The following VWC2L variants were observed in gnomAD, a reference collection of about 807,000 sequenced individuals.
VWC2L encodes von Willebrand factor C domain-containing protein 2-like.
A neutral mutation model predicts 21.6 loss-of-function variants in VWC2L; 10 were observed. That is an observed-to-expected ratio of 0.46 (90% CI 0.29 to 0.78). The LOEUF (loss-of-function observed/expected upper bound fraction) is 0.78. VWC2L is among the 30% of genes least tolerant of loss of function. The pLI is 0.10. For missense variants in VWC2L, 209 were observed against 277.1 expected, an observed-to-expected ratio of 0.75 and a Z score of 1.74; for synonymous variants, 96 against 94.3, an observed-to-expected ratio of 1.02 and a Z score of -0.10.
intron 3 of VWC2L, among the ~76,000 whole-genome samples, chr2:214,518,571 A>T (rs1449957892): frequency 1.3e-5 from 2 of 152,160 alleles, no homozygotes; most frequent in Admixed American, 6.5e-5. Flanking sequence ...AAGCATGAAA[A>T]GCTTGTCTCT....
chr2:214,442,292 A>T (rs986918977), intron 3 of VWC2L, among the ~76,000 whole-genome samples: 1 of 152,220 alleles, frequency 6.6e-6, no homozygotes, highest in African/African-American at 2.4e-5. Flanking sequence ...AATGTTAATA[A>T]TGATTCTTTT....
intron 2 of VWC2L, among the ~76,000 whole-genome samples, chr2:214,421,221 ATTT>A (rs1336757730): frequency 7.9e-5 from 12 of 152,276 alleles, no homozygotes; most frequent in Non-Finnish European, 8.8e-5. Context: ...TTTTAAAATA[ATTT>A]TTCTTAAAAA....
chr2:214,454,928 AACTGC>A (rs1165714323), intron 3 of VWC2L, among the ~76,000 whole-genome samples: 1 of 152,044 alleles, frequency 6.6e-6, no homozygotes, highest in African/African-American at 2.4e-5. Flanking sequence ...TCCTGAGATA[AACTGC>A]ACTTGTTCAA....
At chr2:214,476,150 C>A (rs1348189801) in intron 3 of VWC2L, among the ~76,000 whole-genome samples, 1 of 152,130 alleles carries the variant, frequency 6.6e-6, no homozygotes, top group Non-Finnish European at 1.5e-5. Context: ...TTTTCACACT[C>A]ACAGGAAGTA....
intron 3 of VWC2L, among the ~76,000 whole-genome samples, chr2:214,448,809 CATTA>C (rs1004607337): frequency 6.6e-6 from 1 of 152,142 alleles, no homozygotes; most frequent in Non-Finnish European, 1.5e-5. Flanking sequence ...TTAGTAGTTA[CATTA>C]ATTATCATCA....
chr2:214,503,754 A>C (rs1688928576), intron 3 of VWC2L, among the ~76,000 whole-genome samples: 1 of 152,028 alleles, frequency 6.6e-6, no homozygotes, highest in South Asian at 2.1e-4. Context: ...CAGAAATGAT[A>C]AAAGTTTCTG....
intron 3 of VWC2L, among the ~76,000 whole-genome samples, chr2:214,480,864 CAA>C (rs59720596): frequency 1.3e-4 from 9 of 71,748 alleles, no homozygotes; most frequent in African/African-American, 4.3e-4. Flanking sequence ...TATGCCAAGC[CAA>C]AAAAAAAAAA....
intron 3 of VWC2L, among the ~76,000 whole-genome samples, chr2:214,499,942 TA>T (rs1688868334): frequency 6.6e-6 from 1 of 152,110 alleles, no homozygotes; most frequent in South Asian, 2.1e-4. Context: ...TAGACAATGA[TA>T]GGGGCTATTA....
chr2:214,538,444 G>A (rs1243863054), intron 3 of VWC2L, among the ~76,000 whole-genome samples: 1 of 151,948 alleles, frequency 6.6e-6, no homozygotes, highest in Non-Finnish European at 1.5e-5. Flanking sequence ...AAAATGTGTT[G>A]AGCAAGTAAC....
intron 3 of VWC2L, among the ~76,000 whole-genome samples, chr2:214,466,359 T>G (rs1209314967): frequency 1.3e-5 from 2 of 152,204 alleles, no homozygotes; most frequent in Admixed American, 1.3e-4. Context: ...GTTATCCTTA[T>G]CTTTGTTCCT....
chr2:214,415,218 C>T (rs1319844541), intron 2 of VWC2L: 2 of 152,058 alleles, frequency 1.3e-5, no homozygotes, highest in African/African-American at 4.8e-5. Context: ...TTTCAGCCTA[C>T]CTGGTATTTT....
intron 2 of VWC2L, among the ~76,000 whole-genome samples, chr2:214,432,518 C>G (rs1334670962): frequency 1.3e-5 from 2 of 152,144 alleles, no homozygotes; most frequent in Non-Finnish European, 2.9e-5. Flanking sequence ...GCTTTTCATT[C>G]TTTCATTTTA....
intron 3 of VWC2L, among the ~76,000 whole-genome samples, chr2:214,549,079 G>A (rs542332667): frequency 7.2e-5 from 11 of 151,970 alleles, no homozygotes; most frequent in South Asian, 2.1e-4. Flanking sequence ...TGCATTACTC[G>A]GCTCAAGACT....
intron 2 of VWC2L, among the ~76,000 whole-genome samples, chr2:214,421,883 A>ATTTTTTTTTTTTTTTTT (rs1574555783): frequency 1.0e-4 from 9 of 88,348 alleles, no homozygotes; most frequent in East Asian, 5.5e-4. Flanking sequence ...TATTTCCTAC[A>ATTTTTTTTTTTTTTTTT]TCTTTTTTTT....
intron 3 of VWC2L, among the ~76,000 whole-genome samples, chr2:214,506,241 A>G (rs985242632): frequency 3.3e-5 from 5 of 152,222 alleles, no homozygotes; most frequent in South Asian, 2.1e-4. Flanking sequence ...AAACAAGTAT[A>G]TAGATGAAGG....
chr2:214,460,122 C>G (rs529147676), intron 3 of VWC2L, among the ~76,000 whole-genome samples: 1 of 151,882 alleles, frequency 6.6e-6, no homozygotes, highest in South Asian at 2.1e-4. Context: ...TGGCCAGTTT[C>G]ACTCCTGACC....
At chr2:214,488,698 AG>A (rs1371773392) in intron 3 of VWC2L, among the ~76,000 whole-genome samples, 1 of 152,174 alleles carries the variant, frequency 6.6e-6, no homozygotes, top group East Asian at 1.9e-4. Flanking sequence ...GAAAGAAAAA[AG>A]GTTTAATTGA....
intron 3 of VWC2L, among the ~76,000 whole-genome samples, chr2:214,499,131 G>C (rs1688856076): frequency 7.0e-6 from 1 of 143,634 alleles, no homozygotes; most frequent in Non-Finnish European, 1.5e-5. Context: ...CAATTCTCCT[G>C]CCTCAGCCTC....
intron 3 of VWC2L, chr2:214,534,146 G>A (rs1392327229): frequency 6.6e-6 from 1 of 152,446 alleles, no homozygotes; most frequent in African/African-American, 2.4e-5. Flanking sequence ...GAGATGTGTG[G>A]TAAGTGTCTG....
Sources: allele counts gnomAD v4.1 joint callset (sites outside exome capture counted in the v4.1 genomes callset), GRCh38; gene constraint gnomAD v4.1.1; transcripts MANE v1.5; gene names NCBI Gene and HGNC (gene_info 2026-07-23, HGNC 2026-07-21).